NKAIN2: variants seen among roughly 807,000 people sequenced by gnomAD.
NKAIN2 encodes the protein sodium/potassium transporting ATPase interacting 2.
In NKAIN2, 14 loss-of-function variants were observed where a neutral mutation model predicts 32.6. The observed-to-expected ratio is 0.43, with a 90% CI of 0.28 to 0.67. The LOEUF is 0.67. NKAIN2 is among the 30% of genes least tolerant of loss of function. The pLI is 0.17. For synonymous variants in NKAIN2, 80 were observed against 87.2 expected, an observed-to-expected ratio of 0.92 and a Z score of 0.46; for missense variants, 198 against 258.3, an observed-to-expected ratio of 0.77 and a Z score of 1.60.
intron 3 of NKAIN2, among the ~76,000 whole-genome samples, chr6:124,507,416 C>T (rs1367591480): frequency 6.6e-6 from 1 of 152,022 alleles, no homozygotes; most frequent in East Asian, 1.9e-4. Context: ...ATATTTTTCC[C>T]ATCAGTATGG....
intron 1 of NKAIN2, among the ~76,000 whole-genome samples, chr6:124,046,808 C>T (rs955618759): frequency 1.3e-5 from 2 of 151,776 alleles, no homozygotes; most frequent in Non-Finnish European, 2.9e-5. Context: ...CTATGGTGTA[C>T]ATCATGATGA....
chr6:124,068,150 C>G (rs1174932731), intron 1 of NKAIN2, among the ~76,000 whole-genome samples: 3 of 152,080 alleles, frequency 2.0e-5, no homozygotes, highest in African/African-American at 7.2e-5. Flanking sequence ...TTCCACTACC[C>G]AACCTCTTAA....
At chr6:123,963,060 G>A (rs1462727469) in intron 1 of NKAIN2, among the ~76,000 whole-genome samples, 5 of 152,132 alleles carry the variant, frequency 3.3e-5, no homozygotes, top group African/African-American at 1.2e-4. Flanking sequence ...TACAAGAGTT[G>A]TAGAAGAGGA....
intron 3 of NKAIN2, among the ~76,000 whole-genome samples, chr6:124,637,443 A>G (rs1252809412): frequency 6.6e-6 from 1 of 152,130 alleles, no homozygotes; most frequent in Middle Eastern, 3.2e-3. Flanking sequence ...AAGGAAGTCA[A>G]ATTGTCCCTC....
At chr6:124,096,516 G>C (rs1300299319) in intron 1 of NKAIN2, among the ~76,000 whole-genome samples, 1 of 151,888 alleles carries the variant, frequency 6.6e-6, no homozygotes, top group Admixed American at 6.6e-5. Context: ...CCTTCTTATC[G>C]TTTTCTGAAA....
intron 3 of NKAIN2, among the ~76,000 whole-genome samples, chr6:124,559,392 G>A (rs1197837383): frequency 2.6e-5 from 4 of 152,170 alleles, no homozygotes; most frequent in Non-Finnish European, 5.9e-5. Flanking sequence ...GTGACGAGCT[G>A]AGGCTAAGTG....
intron 1 of NKAIN2, among the ~76,000 whole-genome samples, chr6:124,102,836 T>A (rs1784955193): frequency 1.3e-5 from 2 of 152,218 alleles, no homozygotes; most frequent in Admixed American, 6.5e-5. Context: ...CTTGTTTTTT[T>A]AAAACACTTG....
intron 1 of NKAIN2, among the ~76,000 whole-genome samples, chr6:124,102,841 C>G (rs1784955443): frequency 6.6e-6 from 1 of 151,968 alleles, no homozygotes; most frequent in African/African-American, 2.4e-5. Flanking sequence ...TTTTTTAAAA[C>G]ACTTGTAAGG....
chr6:124,641,106 A>G (rs1264934790), intron 3 of NKAIN2, among the ~76,000 whole-genome samples: 1 of 152,208 alleles, frequency 6.6e-6, no homozygotes, highest in African/African-American at 2.4e-5. Flanking sequence ...CTATTCGTAC[A>G]TATAAAGAGG....
chr6:124,549,411 G>C (rs531792069), intron 3 of NKAIN2, among the ~76,000 whole-genome samples: 5 of 152,030 alleles, frequency 3.3e-5, no homozygotes, highest in Non-Finnish European at 7.4e-5. Context: ...ATTTTTTTGA[G>C]GTAATTTTAG....
chr6:124,084,173 A>C (rs897872797), intron 1 of NKAIN2, among the ~76,000 whole-genome samples: 3 of 151,976 alleles, frequency 2.0e-5, no homozygotes, highest in Non-Finnish European at 4.4e-5. Flanking sequence ...TATGGAAATG[A>C]ATTCCCTAAG....
At chr6:124,192,973 C>T (rs1790105358) in intron 1 of NKAIN2, among the ~76,000 whole-genome samples, 1 of 151,856 alleles carries the variant, frequency 6.6e-6, no homozygotes, top group Admixed American at 6.6e-5. Flanking sequence ...ATGGTCTCGA[C>T]CTCCTGACCT....
intron 3 of NKAIN2, among the ~76,000 whole-genome samples, chr6:124,581,240 C>A (rs190241753): frequency 3.6e-4 from 54 of 151,636 alleles, no homozygotes; most frequent in South Asian, 1.5e-3. Context: ...GAGATCGAGA[C>A]CATCCTGGCT....
chr6:124,344,617 G>T (rs1275614979), intron 2 of NKAIN2, among the ~76,000 whole-genome samples: 1 of 152,022 alleles, frequency 6.6e-6, no homozygotes, highest in Non-Finnish European at 1.5e-5. Flanking sequence ...GTTCACTCAT[G>T]ATTTGGCTCT....
chr6:124,590,807 A>G (rs1781883683), intron 3 of NKAIN2, among the ~76,000 whole-genome samples: 2 of 147,380 alleles, frequency 1.4e-5, no homozygotes, highest in South Asian at 2.1e-4. Flanking sequence ...CAACTGGCCC[A>G]TGTCTTAAAG....
chr6:124,451,228 G>T (rs1776095643), intron 3 of NKAIN2, among the ~76,000 whole-genome samples: 1 of 152,062 alleles, frequency 6.6e-6, no homozygotes, highest in Admixed American at 6.6e-5. Flanking sequence ...TAGGCCCATT[G>T]ATTTTTATTA....
intron 3 of NKAIN2, among the ~76,000 whole-genome samples, chr6:124,393,342 A>AT (rs5879732): frequency 0.36 from 53,670 of 148,952 alleles, 9,825 homozygotes; most frequent in South Asian, 0.52. Context: ...CACTTATAGA[A>AT]TTTTTTTTTT....
At chr6:124,527,123 G>T (rs899574787) in intron 3 of NKAIN2, among the ~76,000 whole-genome samples, 1 of 152,086 alleles carries the variant, frequency 6.6e-6, no homozygotes, top group African/African-American at 2.4e-5. Flanking sequence ...GATGTAATTA[G>T]AGCAAAGAGG....
chr6:124,166,711 G>C (rs1311147465), intron 1 of NKAIN2, among the ~76,000 whole-genome samples: 5 of 151,702 alleles, frequency 3.3e-5, no homozygotes, highest in East Asian at 3.9e-4. Context: ...GTAAGGAAGG[G>C]ATCCAGTTTC....
Sources: gnomAD v4.1 joint callset for allele counts (sites outside exome capture counted in the v4.1 genomes callset) on GRCh38, gnomAD v4.1.1 for gene constraint, MANE v1.5 for transcripts, NCBI Gene and HGNC (gene_info 2026-07-23, HGNC 2026-07-21) for gene names.